The following SGCZ variants were observed in gnomAD, a reference collection of about 807,000 sequenced individuals.
SGCZ encodes the protein sarcoglycan zeta, also known as zeta-sarcoglycan.
A neutral mutation model predicts 41.3 loss-of-function variants in SGCZ; 40 were observed. That is an observed-to-expected ratio of 0.97 (90% confidence interval 0.75 to 1.26). SGCZ has a LOEUF of 1.26. Ranked by LOEUF, SGCZ falls within the 50% of genes most tolerant of loss-of-function variation. The pLI is 0.00. For synonymous variants in SGCZ, 206 were observed against 137.5 expected (o/e 1.50, Z -3.49); for missense variants, 552 against 369.8 (o/e 1.49, Z -4.04).
At chr8:14,563,793 T>C (rs1804277299) in intron 1 of SGCZ, among the ~76,000 whole-genome samples, 1 of 152,170 alleles carries the variant, frequency 6.6e-6, no homozygotes, top group Non-Finnish European at 1.5e-5. Flanking sequence ...GAACCTATTA[T>C]CTCTAGTCCA....
chr8:14,312,496 G>C (rs548972621), intron 3 of SGCZ, among the ~76,000 whole-genome samples: 3 of 152,098 alleles, frequency 2.0e-5, no homozygotes, highest in South Asian at 4.1e-4. Flanking sequence ...GTTGGTGCTT[G>C]TAATCCTAGC....
At chr8:14,576,858 C>T (rs182177581) in intron 1 of SGCZ, among the ~76,000 whole-genome samples, 47 of 152,298 alleles carry the variant, frequency 3.1e-4, no homozygotes, top group African/African-American at 1.1e-3. Flanking sequence ...GAGAGAATTG[C>T]AGTCCTCTCC....
intron 3 of SGCZ, among the ~76,000 whole-genome samples, chr8:14,308,355 T>C (rs1006636339): frequency 2.0e-5 from 3 of 152,062 alleles, no homozygotes; most frequent in South Asian, 2.1e-4. Flanking sequence ...GGAAGAAATG[T>C]GCTGTAAAAA....
intron 2 of SGCZ, among the ~76,000 whole-genome samples, chr8:14,324,665 A>G (rs1411017536): frequency 6.6e-6 from 1 of 152,156 alleles, no homozygotes; most frequent in African/African-American, 2.4e-5. Flanking sequence ...ATTGTCTGAT[A>G]TTAGTAACCA....
At chr8:15,037,493 T>TA (rs1435487786) in intron 1 of SGCZ, among the ~76,000 whole-genome samples, 1 of 152,180 alleles carries the variant, frequency 6.6e-6, no homozygotes, top group Non-Finnish European at 1.5e-5. Flanking sequence ...GACTAATACA[T>TA]ATGAGAAACC....
chr8:14,817,710 T>C (rs904714457), intron 1 of SGCZ, among the ~76,000 whole-genome samples: 1 of 152,186 alleles, frequency 6.6e-6, no homozygotes, highest in Non-Finnish European at 1.5e-5. Flanking sequence ...CAACTGCACT[T>C]GCAACATGGA....
intron 1 of SGCZ, among the ~76,000 whole-genome samples, chr8:14,910,658 T>G (rs746251610): frequency 3.9e-4 from 59 of 152,024 alleles, no homozygotes; most frequent in Admixed American, 5.9e-4. Flanking sequence ...AAAACATCGG[T>G]AAAGTAAAAA....
chr8:14,323,680 T>G (rs569607771), intron 3 of SGCZ, among the ~76,000 whole-genome samples: 1 of 152,142 alleles, frequency 6.6e-6, no homozygotes, highest in African/African-American at 2.4e-5. Flanking sequence ...ATTAAAATTC[T>G]TTGTCATTTC....
chr8:14,765,138 C>T (rs989664769), intron 1 of SGCZ, among the ~76,000 whole-genome samples: 2 of 152,162 alleles, frequency 1.3e-5, no homozygotes, highest in African/African-American at 4.8e-5. Context: ...GTGACAGCCA[C>T]ACCCACAATC....
chr8:14,165,849 A>G (rs1362586219), intron 4 of SGCZ, among the ~76,000 whole-genome samples: 1 of 152,150 alleles, frequency 6.6e-6, no homozygotes, highest in Non-Finnish European at 1.5e-5. Context: ...TAGCACCAGT[A>G]GATGAATATT....
chr8:14,839,313 C>A (rs543235629), intron 1 of SGCZ, among the ~76,000 whole-genome samples: 2 of 152,134 alleles, frequency 1.3e-5, no homozygotes, highest in East Asian at 3.9e-4. Context: ...AAGAGAGGTG[C>A]AATTTACTGA....
chr8:14,657,918 AATT>A (rs1807626878), intron 1 of SGCZ, among the ~76,000 whole-genome samples: 1 of 152,156 alleles, frequency 6.6e-6, no homozygotes, highest in Admixed American at 6.6e-5. Context: ...TCAAATGTAG[AATT>A]ATTTACTCCT....
rs1491265946 is a variant in SGCZ at position 14,551,534 on chromosome 8, A to ATATATATAT, written c.234+3197_234+3198insATATATATA. On this transcript the variant is annotated intron_variant, in intron 2 of 7. Coordinates refer to ENST00000382080, the MANE Select transcript of SGCZ (RefSeq NM_139167.4). ...ATATATATTATATATAATATATATA[A>ATATATATAT]TATATATAATATATATAATATATAT... is the stretch of plus-strand genomic sequence containing the variant. Among the ~76,000 whole-genome samples, 49 of 7,822 alleles carry ATATATATAT rather than the reference A, an allele frequency of 6.3e-3. 1 individual carries two copies. The highest frequency in any genetic ancestry group is 0.018 in the African/African-American group (36 of 2,040). The allele number at this position is 7,822 out of a possible 152,430, so 5.1% of individuals were successfully genotyped here.
chr8:14,288,455 A>C (rs1434090433), intron 3 of SGCZ, among the ~76,000 whole-genome samples: 1 of 152,012 alleles, frequency 6.6e-6, no homozygotes, highest in Non-Finnish European at 1.5e-5. Context: ...ACCCTCGGCC[A>C]CTGGTAACCT....
intron 2 of SGCZ, among the ~76,000 whole-genome samples, chr8:14,464,433 G>T (rs966468846): frequency 6.7e-6 from 1 of 149,900 alleles, no homozygotes. Context: ...TATAACTGTA[G>T]AATGGGTAGT....
At chr8:15,078,121 G>A (rs538941547) in intron 1 of SGCZ, among the ~76,000 whole-genome samples, 74 of 146,620 alleles carry the variant, frequency 5.0e-4, no homozygotes, top group African/African-American at 1.8e-3. Context: ...TCAGTGTGAG[G>A]TGACAGCCTG....
intron 2 of SGCZ, among the ~76,000 whole-genome samples, chr8:14,442,674 G>C (rs970874768): frequency 1.2e-4 from 18 of 152,120 alleles, no homozygotes; most frequent in Admixed American, 5.9e-4. Context: ...TGATCTCAGT[G>C]ATAAAATGCT....
intron 1 of SGCZ, among the ~76,000 whole-genome samples, chr8:15,168,290 G>A (rs1434162600): frequency 1.3e-5 from 2 of 152,170 alleles, no homozygotes; most frequent in Non-Finnish European, 2.9e-5. Flanking sequence ...GAGCGTGGCT[G>A]ATTCCTGACG....
chr8:14,274,123 T>A (rs978273989), intron 3 of SGCZ, among the ~76,000 whole-genome samples: 3 of 152,200 alleles, frequency 2.0e-5, no homozygotes, highest in African/African-American at 7.2e-5. Flanking sequence ...TTCATTTGCA[T>A]ATGTTAAACT....
Sources: gnomAD v4.1 joint callset for allele counts (sites outside exome capture counted in the v4.1 genomes callset) on GRCh38, gnomAD v4.1.1 for gene constraint, MANE v1.5 for transcripts, NCBI Gene and HGNC (gene_info 2026-07-23, HGNC 2026-07-21) for gene names.